Variants in CEMIP observed in about 807,000 individuals in gnomAD.
The protein encoded by CEMIP is cell migration-inducing and hyaluronan-binding protein.
CEMIP carries 105 observed loss-of-function variants against 156.9 expected under a neutral mutation model. The observed-to-expected ratio is 0.67, with a 90% CI of 0.57 to 0.79. The LOEUF is 0.79. Among genes scored for constraint, CEMIP ranks in the 30% least tolerant of loss-of-function variants. The pLI is 0.00. For synonymous variants in CEMIP, 676 were observed against 668.4 expected, an observed-to-expected ratio of 1.01 and a Z score of -0.17; for missense variants, 1,457 against 1,769.4, an observed-to-expected ratio of 0.82 and a Z score of 3.17.
chr15:80,878,585 C>T, intron 3 of CEMIP, 136 bp from the exon 4 acceptor site: 1 of 1,139,642 alleles, frequency 8.8e-7, no homozygotes. Context: ...TCTCAGCTCT[C>T]TAAGGTCTTG....
Position 80,888,774 on chromosome 15 carries a change from T to C in CEMIP, c.942T>C (p.Ser314=). 6.2e-7 allele frequency: 1 copy of C among 1,614,138 alleles called. No individual in the cohort carries two copies. ...QTEHGEYFNV[S]LSSEWVQDVE... ...AGCATGGCGAATATTTCAATGTTTCTTTGTCCAGTGAGTGGGTTCAAGGTG... is the reference window on the plus strand; with the variant it reads ...AGCATGGCGAATATTTCAATGTTTCCTTGTCCAGTGAGTGGGTTCAAGGTG... The change falls in exon 9 of 30, where the codon TCT becomes TCC. Residue 314 remains serine, a synonymous_variant. Transcript: ENST00000394685.
Position 80,881,056 on chromosome 15 carries a change from T to A in CEMIP, c.537T>A (p.Phe179Leu). 1 of 1,614,204 alleles carries A rather than the reference T, an allele frequency of 6.2e-7. No homozygotes were observed. Among genetic ancestry groups the A allele is most frequent in the Non-Finnish European group, 8.5e-7 (1 of 1,180,036 alleles). Residue 179 changes from phenylalanine to leucine, a missense_variant, in exon 6 of 30, where the codon TTT becomes TTA. Physicochemically the swap from Phe to Leu is conservative, Grantham distance 22. Around this residue, in one of 5 missense-constraint regions of CEMIP, gnomAD observed 309 missense variants for 340.8 expected, o/e 0.91. Coordinates refer to ENST00000394685, the MANE Select transcript of CEMIP (RefSeq NM_001293298.2). ...GTGGCATGGCAGAAGGAGGCTATTT[T>A]TTTGAAAGGAGCTGGGGCCACCGTG... ...HPGGMAEGGY[F>L]FERSWGHRGV...
rs1271693306 is a variant in CEMIP, at chr15:80,836,614, TCCTCCTGGATTTTCTGCCTCCTTA to T, written c.-175-36915_-175-36892del. On this transcript the variant is annotated intron_variant, in intron 1 of 29. Transcript: ENST00000394685. ...CTATGAGTTCTTTTGTTTTTCCTTT[TCCTCCTGGATTTTCTGCCTCCTTA>T]CCTCCTGGGTTTTCTGCCTCCTTAC... 3.6e-4 allele frequency among the ~76,000 whole-genome samples: 43 copies of T among 119,500 alleles called. No individual in the cohort carries two copies. The East Asian group carries it at 4.5e-3, about 13-fold the overall frequency. The allele number at this position is 119,500 out of a possible 152,430, so 78.4% of individuals were successfully genotyped here.
Position 80,948,838 on chromosome 15 carries a change from A to C in CEMIP, c.4000A>C (p.Ile1334Leu), listed in dbSNP as rs751232227. The change falls in exon 30 of 30, where the codon ATC becomes CTC. Residue 1334 changes from isoleucine to leucine, a missense_variant. Coordinates refer to ENST00000394685, the MANE Select transcript of CEMIP (RefSeq NM_001293298.2). The stretch of plus-strand genomic sequence containing the variant: ...TGGCTTCAAAGGCAGCTTCCGGCCC[A>C]TCTGGGTGACACTGGACACTGAGGA... ...FVGFKGSFRP[I>L]WVTLDTEDHK... The C allele has an allele frequency of 1.2e-5, 19 of 1,614,104 alleles. No individual in the cohort carries two copies. Among genetic ancestry groups the C allele is most frequent in the Non-Finnish European group, 1.6e-5 (19 of 1,180,040 alleles).
chr15:80,803,198 C>G (rs980179272), intron 1 of CEMIP, among the ~76,000 whole-genome samples: 2 of 152,162 alleles, frequency 1.3e-5, no homozygotes, highest in Non-Finnish European at 2.9e-5. Flanking sequence ...TGACCACTCC[C>G]GCAGAGTTGT....
At chr15:80,784,100 C>T (rs920400415) in intron 1 of CEMIP, among the ~76,000 whole-genome samples, 1 of 152,302 alleles carries the variant, frequency 6.6e-6, no homozygotes, top group East Asian at 1.9e-4. Flanking sequence ...AGCCTGGCTC[C>T]TTGCACTGGG....
At chr15:80,783,473 A>G (rs190526337) in intron 1 of CEMIP, among the ~76,000 whole-genome samples, 1 of 152,306 alleles carries the variant, frequency 6.6e-6, no homozygotes, top group East Asian at 1.9e-4. Flanking sequence ...TGAACAGTGA[A>G]TAGGAAAGGA....
chr15:80,905,192 G>A (rs1281620681), intron 12 of CEMIP, among the ~76,000 whole-genome samples: 1 of 152,212 alleles, frequency 6.6e-6, no homozygotes, highest in Non-Finnish European at 1.5e-5. Context: ...TGGGGGCTGA[G>A]GCCAGTGCTC....
rs1339218191 is a variant in CEMIP at position 80,873,572 on chromosome 15, A to G, written c.-141A>G. 3 of 404,060 alleles carry G rather than the reference A, an allele frequency of 7.4e-6. No homozygotes were observed. Among genetic ancestry groups the G allele is most frequent in the African/African-American group, 6.1e-5 (3 of 49,260 alleles). The allele number at this position is 404,060 out of a possible 1,614,324, so 25.0% of individuals were successfully genotyped here. ...TCATTCTGGAGGGGAAGGAGTTTTG[A>G]GTGCCAAGGATGAAATTCCACCCAT... On this transcript the variant is annotated 5_prime_UTR_variant, in exon 2 of 30. Transcript: ENST00000394685.
chr15:80,806,571 C>G (rs1250118380), intron 1 of CEMIP, among the ~76,000 whole-genome samples: 1 of 152,110 alleles, frequency 6.6e-6, no homozygotes, highest in Non-Finnish European at 1.5e-5. Context: ...TGAAATCCCA[C>G]CTGTTTTACA....
chr15:80,837,959 A>C (rs967780092), intron 1 of CEMIP, among the ~76,000 whole-genome samples: 2 of 152,166 alleles, frequency 1.3e-5, no homozygotes, highest in Non-Finnish European at 2.9e-5. Flanking sequence ...ATCTTAGGTG[A>C]GAACACCCTT....
At chr15:80,875,479 T>A (rs1244389739) in intron 3 of CEMIP, among the ~76,000 whole-genome samples, 1 of 152,176 alleles carries the variant, frequency 6.6e-6, no homozygotes, top group African/African-American at 2.4e-5. Flanking sequence ...TCTTTTAGGG[T>A]GACTTATCCT....
intron 10 of CEMIP, 147 bp from the exon 11 acceptor site, chr15:80,894,843 T>G: frequency 1.0e-6 from 1 of 965,776 alleles, no homozygotes; most frequent in Non-Finnish European, 1.6e-6. Flanking sequence ...GGGGCAATCA[T>G]TGGGATAATC....
intron 6 of CEMIP, among the ~76,000 whole-genome samples, chr15:80,882,678 C>T (rs990652953): frequency 6.6e-6 from 1 of 152,038 alleles, no homozygotes; most frequent in Non-Finnish European, 1.5e-5. Context: ...ATATCTTTTG[C>T]TTAAAGTATA....
chr15:80,910,203 C>G (rs1899994537), intron 14 of CEMIP, among the ~76,000 whole-genome samples: 1 of 152,148 alleles, frequency 6.6e-6, no homozygotes, highest in Non-Finnish European at 1.5e-5. Flanking sequence ...ATCTGGATTC[C>G]TGGCTTCTTT....
intron 1 of CEMIP, among the ~76,000 whole-genome samples, chr15:80,812,015 AG>A (rs1896683269): frequency 6.6e-6 from 1 of 151,626 alleles, no homozygotes; most frequent in Non-Finnish European, 1.5e-5. Flanking sequence ...TGTTGTTTTT[AG>A]GGAGGGGCTT....
At chr15:80,787,118 A>T (rs1895960105) in intron 1 of CEMIP, among the ~76,000 whole-genome samples, 1 of 152,230 alleles carries the variant, frequency 6.6e-6, no homozygotes, top group Admixed American at 6.5e-5. Context: ...GCTCTCCTCA[A>T]GGGAGAAAAT....
intron 1 of CEMIP, among the ~76,000 whole-genome samples, chr15:80,835,100 AG>A (rs1897242562): frequency 6.6e-6 from 1 of 152,150 alleles, no homozygotes; most frequent in South Asian, 2.1e-4. Context: ...AGAGAGAGAG[AG>A]AGAAAGAGAC....
chr15:80,875,944 G>A (rs941209004), intron 3 of CEMIP, among the ~76,000 whole-genome samples: 5 of 152,346 alleles, frequency 3.3e-5, no homozygotes, highest in African/African-American at 7.2e-5. Context: ...TGGGATGTGT[G>A]CTCACACAGG....
Sources: allele counts gnomAD v4.1 joint callset (sites outside exome capture counted in the v4.1 genomes callset), GRCh38; gene constraint gnomAD v4.1.1; regional missense constraint gnomAD v4.1.1; transcripts MANE v1.5; gene names NCBI Gene and HGNC (gene_info 2026-07-23, HGNC 2026-07-21).